The following PHACTR1 variants were observed in gnomAD, a reference collection of about 807,000 sequenced individuals.
PHACTR1 encodes RPEL repeat containing 1.
PHACTR1 carries 16 observed loss-of-function variants against 69.2 expected under a neutral mutation model. That is an observed-to-expected ratio of 0.23 (90% CI 0.16 to 0.35). PHACTR1 has a LOEUF of 0.35. Among genes scored for constraint, PHACTR1 ranks in the 10% least tolerant of loss-of-function variants. The probability of loss-of-function intolerance (pLI) is 1.00; values close to 1 mark genes in which losing one functional copy is unlikely to be tolerated. For missense variants in PHACTR1, 510 were observed against 734.7 expected, an observed-to-expected ratio of 0.69 and a Z score of 3.54; for synonymous variants, 312 against 284.5, an observed-to-expected ratio of 1.10 and a Z score of -0.97.
At chr6:13,262,376 AC>A (rs1776036627) in intron 10 of PHACTR1, among the ~76,000 whole-genome samples, 1 of 152,166 alleles carries the variant, frequency 6.6e-6, no homozygotes, top group African/African-American at 2.4e-5. Context: ...GGAGTACAAG[AC>A]AGCAGTTAGA....
At chr6:13,257,268 G>A in intron 10 of PHACTR1, among the ~76,000 whole-genome samples, 1 of 151,806 alleles carries the variant, frequency 6.6e-6, no homozygotes. Context: ...CAGCACCAAG[G>A]GAATGGTCCT....
chr6:12,769,592 G>T (rs1561865428), intron 4 of PHACTR1, among the ~76,000 whole-genome samples: 1 of 152,204 alleles, frequency 6.6e-6, no homozygotes, highest in Non-Finnish European at 1.5e-5. Context: ...ACAGTTGTGA[G>T]GATTATGATA....
chr6:12,802,265 C>G (rs1422391328), intron 4 of PHACTR1, among the ~76,000 whole-genome samples: 1 of 140,614 alleles, frequency 7.1e-6, no homozygotes, highest in Non-Finnish European at 1.5e-5. Context: ...AACATAATAA[C>G]TTATTGAATA....
intron 4 of PHACTR1, among the ~76,000 whole-genome samples, chr6:12,760,141 C>T (rs951371541): frequency 1.3e-5 from 2 of 152,160 alleles, no homozygotes; most frequent in African/African-American, 4.8e-5. Flanking sequence ...TTCTATTCCT[C>T]CAGGATTCTA....
chr6:12,765,259 C>CA (rs1473207442), intron 4 of PHACTR1, among the ~76,000 whole-genome samples: 1 of 152,180 alleles, frequency 6.6e-6, no homozygotes, highest in Non-Finnish European at 1.5e-5. Flanking sequence ...AAACATTCAT[C>CA]AGAAGCTTGC....
At chr6:12,737,135 A>G (rs915074578) in intron 3 of PHACTR1, among the ~76,000 whole-genome samples, 12 of 152,176 alleles carry the variant, frequency 7.9e-5, no homozygotes, top group Non-Finnish European at 1.3e-4. Flanking sequence ...GTGTACTTAC[A>G]CAAACCTAGA....
At chr6:13,140,960 G>T (rs1016242232) in intron 5 of PHACTR1, among the ~76,000 whole-genome samples, 3 of 152,084 alleles carry the variant, frequency 2.0e-5, no homozygotes, top group African/African-American at 7.2e-5. Context: ...TTTTAATGAG[G>T]GGAGAAATCA....
chr6:13,207,112 G>A (rs900512145), intron 8 of PHACTR1, among the ~76,000 whole-genome samples: 18 of 152,140 alleles, frequency 1.2e-4, no homozygotes, highest in African/African-American at 3.4e-4. Context: ...GTCTCTATAA[G>A]CATTAATGTT....
intron 7 of PHACTR1, among the ~76,000 whole-genome samples, chr6:13,190,196 G>GTTTTTTTTTTTTTTTTT (rs1220683843): frequency 1.3e-4 from 4 of 31,816 alleles, no homozygotes; most frequent in African/African-American, 4.2e-4. Flanking sequence ...GCTAATTTTT[G>GTTTTTTTTTTTTTTTTT]TATTTTTTTT....
chr6:12,857,495 A>G (rs921496881), intron 4 of PHACTR1, among the ~76,000 whole-genome samples: 1 of 151,692 alleles, frequency 6.6e-6, no homozygotes, highest in Non-Finnish European at 1.5e-5. Context: ...CCCAGCTACT[A>G]GGGAGGCTGA....
At chr6:12,973,744 A>T (rs1794509204) in intron 4 of PHACTR1, among the ~76,000 whole-genome samples, 1 of 152,166 alleles carries the variant, frequency 6.6e-6, no homozygotes, top group Admixed American at 6.5e-5. Flanking sequence ...AGAGGCCATG[A>T]GACAGCCTTG....
chr6:12,754,718 A>G (rs934006323), intron 4 of PHACTR1, among the ~76,000 whole-genome samples: 2 of 152,250 alleles, frequency 1.3e-5, no homozygotes, highest in Admixed American at 1.3e-4. Context: ...CTGTGGATTC[A>G]ACCAACCAGG....
chr6:13,081,259 G>A (rs1811328445), intron 5 of PHACTR1, among the ~76,000 whole-genome samples: 1 of 152,174 alleles, frequency 6.6e-6, no homozygotes, highest in African/African-American at 2.4e-5. Context: ...CTCCCCTACA[G>A]CAGTTTCCTC....
chr6:13,271,694 G>GT (rs1260379119), intron 10 of PHACTR1, among the ~76,000 whole-genome samples: 5 of 150,338 alleles, frequency 3.3e-5, no homozygotes, highest in African/African-American at 2.4e-5. Context: ...ATTGTTTTTT[G>GT]TTTGTTTTTT....
chr6:12,987,636 T>A (rs1380529747), intron 4 of PHACTR1, among the ~76,000 whole-genome samples: 1 of 152,136 alleles, frequency 6.6e-6, no homozygotes, highest in Non-Finnish European at 1.5e-5. Context: ...AAATAGTTCT[T>A]GAGCAAATAA....
chr6:12,866,744 A>G (rs1451192190), intron 4 of PHACTR1, among the ~76,000 whole-genome samples: 1 of 151,980 alleles, frequency 6.6e-6, no homozygotes, highest in African/African-American at 2.4e-5. Flanking sequence ...CTGAGAAGAG[A>G]CTCTGTGCTT....
At chr6:13,099,763 A>G (rs553463201) in intron 5 of PHACTR1, among the ~76,000 whole-genome samples, 1 of 152,334 alleles carries the variant, frequency 6.6e-6, no homozygotes, top group East Asian at 1.9e-4. Flanking sequence ...ATGCATAAAC[A>G]CACTTTTCAG....
chr6:13,071,151 GT>G (rs1809463376), intron 5 of PHACTR1, among the ~76,000 whole-genome samples: 1 of 152,172 alleles, frequency 6.6e-6, no homozygotes, highest in Non-Finnish European at 1.5e-5. Flanking sequence ...GTTGTGCCGG[GT>G]GCAGTGGCTC....
chr6:13,287,379 T>G lies in PHACTR1; in HGVS notation c.*301T>G. The G allele has an allele frequency of 4.5e-6, 2 of 440,320 alleles. No homozygotes were observed. Among genetic ancestry groups the G allele is most frequent in the South Asian group, 2.7e-5 (1 of 37,570 alleles). 27.3% of individuals were successfully genotyped at this position (440,320 alleles called of 1,614,324 possible). A position where few individuals can be genotyped will look rare whatever the true frequency, so the allele number is the denominator to read the frequency against. ...ACTGTCTGGCAGGTGGAACGGTCCTTGTCCTCTCCAGCCAGGCCCAGCAGG... is the reference window on the plus strand; with the variant it reads ...ACTGTCTGGCAGGTGGAACGGTCCTGGTCCTCTCCAGCCAGGCCCAGCAGG... On this transcript the variant is annotated 3_prime_UTR_variant, in exon 15 of 15. Coordinates refer to ENST00000332995, the MANE Select transcript of PHACTR1 (RefSeq NM_030948.6).
Sources: allele counts gnomAD v4.1 joint callset (sites outside exome capture counted in the v4.1 genomes callset), GRCh38; gene constraint gnomAD v4.1.1; transcripts MANE v1.5; gene names NCBI Gene and HGNC (gene_info 2026-07-23, HGNC 2026-07-21).